Variants in PTPRS observed in about 807,000 individuals in gnomAD.
PTPRS encodes receptor-type tyrosine-protein phosphatase S.
Under a neutral mutation model 215.3 loss-of-function variants are expected in PTPRS, and 63 were observed. That is an observed-to-expected ratio of 0.29 (90% CI 0.24 to 0.36). The LOEUF is 0.36. Among genes scored for constraint, PTPRS ranks in the 10% least tolerant of loss-of-function variants. The pLI, the probability that PTPRS is intolerant of heterozygous loss-of-function variation, is 1.00. For missense variants in PTPRS, 2,258 were observed against 2,825.8 expected, an observed-to-expected ratio of 0.80 and a Z score of 4.56; for synonymous variants, 1,404 against 1,191.4, an observed-to-expected ratio of 1.18 and a Z score of -3.68.
chr19:5,206,864 G>C, intron 37 of PTPRS, 22 bp from the exon 38 acceptor site: 1 of 1,611,070 alleles, frequency 6.2e-7, no homozygotes, highest in Non-Finnish European at 8.5e-7. Context: ...GAGGTGACCT[G>C]TTAGTACCTC....
chr19:5,262,217 G>C (rs1418964185), intron 6 of PTPRS, among the ~76,000 whole-genome samples: 8 of 152,184 alleles, frequency 5.3e-5, no homozygotes, highest in African/African-American at 1.9e-4. Context: ...GGAGGCTTTA[G>C]TGAGCCGAGA....
At chr19:5,208,412 T>G (rs765668962) in intron 35 of PTPRS, 21 bp from the exon 36 acceptor site, 14 of 1,552,718 alleles carry the variant, frequency 9.0e-6, no homozygotes, top group South Asian at 8.4e-5. Context: ...GAGAGCCCAA[T>G]CTTGTTATCA....
chr19:5,275,064 T>C lies in PTPRS; in HGVS notation c.92-720A>G, dbSNP rs369567025. On this transcript the variant is annotated intron_variant, in intron 2 of 37. Coordinates refer to ENST00000262963, the MANE Select transcript of PTPRS (RefSeq NM_002850.4). Reference sequence around the variant, plus strand: ...AGAGGCAGTGCCATCCTGATCGTCATTTTCTTTTCTTTTTTTTTTTTTTCC... The same window carrying C: ...AGAGGCAGTGCCATCCTGATCGTCACTTTCTTTTCTTTTTTTTTTTTTTCC... 6.2e-3 allele frequency among the ~76,000 whole-genome samples: 614 copies of C among 98,312 alleles called. 9 individuals carry two copies. The highest frequency in any genetic ancestry group is 0.026 in the African/African-American group (579 of 22,404). The allele number at this position is 98,312 out of a possible 152,430, so 64.5% of individuals were successfully genotyped here. A position where few individuals can be genotyped will look rare whatever the true frequency, so the allele number is the denominator to read the frequency against.
intron 9 of PTPRS, among the ~76,000 whole-genome samples, chr19:5,251,428 ACT>A (rs1491468625): frequency 1.4e-3 from 181 of 128,326 alleles, no homozygotes; most frequent in African/African-American, 5.3e-3. Flanking sequence ...CGCTCTAGAT[ACT>A]TTTTTTTTTT....
chr19:5,219,903 G>A (rs1207232366), intron 22 of PTPRS, 36 bp downstream of exon 22: 2 of 1,596,556 alleles, frequency 1.3e-6, no homozygotes, highest in Non-Finnish European at 1.7e-6. Flanking sequence ...ATTCAGAGGT[G>A]TGTCTGGATG....
intron 11 of PTPRS, among the ~76,000 whole-genome samples, chr19:5,242,551 T>C (rs1423545316): frequency 6.6e-6 from 1 of 151,382 alleles, no homozygotes; most frequent in Non-Finnish European, 1.5e-5. Context: ...TATTTTTTTT[T>C]TTTTTTTAGT....
intron 1 of PTPRS, among the ~76,000 whole-genome samples, chr19:5,302,873 CAGT>C (rs1425917856): frequency 7.3e-6 from 1 of 136,904 alleles, no homozygotes; most frequent in Non-Finnish European, 1.5e-5. Context: ...CTGGCTAACA[CAGT>C]GAAACCCCAT....
rs1316283406 is a variant in PTPRS, at chr19:5,286,027, C to A, written c.91+23G>T. On this transcript the variant is annotated intron_variant, in intron 2 of 37. Coordinates refer to ENST00000262963, the MANE Select transcript of PTPRS (RefSeq NM_002850.4). ...AGGTAAACAAACACGCAGACCCCTG[C>A]ACATCCCGTGCCGGCTTCTTACCTT... 9 of 1,606,116 alleles carry A rather than the reference C, an allele frequency of 5.6e-6. No individual in the cohort carries two copies. The African/African-American group carries it at 1.1e-4, about 19-fold the overall frequency.
intron 2 of PTPRS, among the ~76,000 whole-genome samples, chr19:5,281,676 C>T (rs1225076845): frequency 1.3e-5 from 2 of 152,154 alleles, no homozygotes; most frequent in African/African-American, 2.4e-5. Flanking sequence ...CGTCCTCAGC[C>T]AAGGACATGA....
chr19:5,324,876 G>A (rs1360868415), intron 1 of PTPRS, among the ~76,000 whole-genome samples: 1 of 152,182 alleles, frequency 6.6e-6, no homozygotes, highest in Non-Finnish European at 1.5e-5. Flanking sequence ...CTTCGAGTCT[G>A]GGGTCTCTGG....
intron 9 of PTPRS, among the ~76,000 whole-genome samples, chr19:5,253,100 T>C (rs2045278147): frequency 6.6e-6 from 1 of 152,010 alleles, no homozygotes; most frequent in Non-Finnish European, 1.5e-5. Context: ...AAAAGAACAT[T>C]CATAGTCAGG....
chr19:5,255,613 A>G (rs191182604), intron 9 of PTPRS, among the ~76,000 whole-genome samples: 103 of 152,290 alleles, frequency 6.8e-4, no homozygotes, highest in South Asian at 1.2e-3. Flanking sequence ...AGAAAAAGGA[A>G]AAAAGAAAAC....
chr19:5,315,351 G>T (rs10403403), intron 1 of PTPRS, among the ~76,000 whole-genome samples: 33,436 of 79,986 alleles, frequency 0.42, 11,094 homozygotes, highest in Non-Finnish European at 0.47. Flanking sequence ...TTTGAAAAGG[G>T]TTTTTTTTTT....
In PTPRS at chr19:5,222,979, G is replaced by A. The variant is rs2042138525; in HGVS notation, c.2813C>T (p.Ala938Val). 8.4e-6 allele frequency: 13 copies of A among 1,540,780 alleles called. No homozygotes were observed. The highest frequency in any genetic ancestry group is 1.1e-5 in the Non-Finnish European group (13 of 1,147,508). Reference sequence around the variant, plus strand: ...GACGGTCCCGGCCGAGGCGTTGCCGGCCGCCTCCAGAATCTGCGGGTGGCC... The same window carrying A: ...GACGGTCCCGGCCGAGGCGTTGCCGACCGCCTCCAGAATCTGCGGGTGGCC... The part of the protein sequence containing the change: ...PRGHPQILEA[A>V]GNASAGTVLL... The change falls in exon 18 of 38, where the codon GCC becomes GTC. Residue 938 changes from alanine (A) to valine (V), a missense_variant. Coordinates refer to ENST00000262963, the MANE Select transcript of PTPRS (RefSeq NM_002850.4).
In PTPRS at chr19:5,212,373, T is replaced by C. The variant is rs1209168744; in HGVS notation, c.4733A>G (p.Asn1578Ser). The C allele has an allele frequency of 8.7e-6, 14 of 1,609,758 alleles. No homozygotes were observed. Among genetic ancestry groups the C allele is most frequent in the South Asian group, 2.2e-5 (2 of 90,514 alleles). Reference sequence around the variant, plus strand: ...CACGATGGGGCCGGCATCTGGCGGGTTGCAGGTCTTGACTCTCCGCAGGAA... The same window carrying C: ...CACGATGGGGCCGGCATCTGGCGGGCTGCAGGTCTTGACTCTCCGCAGGAA... ...LAFLRRVKTCNPPDAGPIVVH... is the reference protein window; with the variant it reads ...LAFLRRVKTCSPPDAGPIVVH... Residue 1578 changes from asparagine to serine, a missense_variant, in exon 31 of 38, where the codon AAC becomes AGC. By Grantham distance (46) the Asn-to-Ser change is conservative (BLOSUM62 1). Coordinates refer to ENST00000262963, the MANE Select transcript of PTPRS (RefSeq NM_002850.4).
chr19:5,231,802 T>G (rs1599553468), intron 13 of PTPRS, among the ~76,000 whole-genome samples, 187 bp from the exon 14 acceptor site: 1 of 66,420 alleles, frequency 1.5e-5, no homozygotes, highest in African/African-American at 5.4e-5. Context: ...GATGGGCGGG[T>G]GGATGGGCGG....
intron 1 of PTPRS, among the ~76,000 whole-genome samples, chr19:5,322,891 AAAAAAAAAAG>A (rs2050067109): frequency 7.5e-6 from 1 of 134,212 alleles, no homozygotes; most frequent in African/African-American, 3.4e-5. Flanking sequence ...AAAAAAAAAA[AAAAAAAAAAG>A]AAGAAGAAGA....
intron 1 of PTPRS, among the ~76,000 whole-genome samples, chr19:5,306,290 G>A (rs942025761): frequency 3.0e-4 from 46 of 151,844 alleles, no homozygotes; most frequent in African/African-American, 9.7e-4. Context: ...GATCACAGGC[G>A]TGCGCCACCA....
Position 5,219,596 on chromosome 19 carries a change from C to G in PTPRS, c.3766-129G>C, listed in dbSNP as rs2041797189. On this transcript the variant is annotated intron_variant, in intron 22 of 37. Coordinates refer to ENST00000262963, the MANE Select transcript of PTPRS (RefSeq NM_002850.4). Reference sequence around the variant, plus strand: ...CTCCTATATTCCTAGAACCTTGACCCTGGTGGCCTATGTGACCTGGTCCCT... The same window carrying G: ...CTCCTATATTCCTAGAACCTTGACCGTGGTGGCCTATGTGACCTGGTCCCT... The G allele has an allele frequency of 5.8e-6, 7 of 1,211,588 alleles. No homozygotes were observed. The Admixed American group carries it at 1.5e-4, about 26-fold the overall frequency. The allele number at this position is 1,211,588 out of a possible 1,614,324, so 75.1% of individuals were successfully genotyped here.
Sources: allele counts gnomAD v4.1 joint callset (sites outside exome capture counted in the v4.1 genomes callset), GRCh38; gene constraint gnomAD v4.1.1; transcripts MANE v1.5; gene names NCBI Gene and HGNC (gene_info 2026-07-23, HGNC 2026-07-21).